PLS1: variants seen among roughly 807,000 people sequenced by gnomAD.
PLS1 encodes the protein plastin-1.
Under a neutral mutation model 73.7 loss-of-function variants are expected in PLS1, and 32 were observed. The ratio of observed to expected loss-of-function variants is 0.43; its 90% CI spans 0.33 to 0.58. The LOEUF (loss-of-function observed/expected upper bound fraction) is 0.58. Ranked by LOEUF, PLS1 falls within the 20% of genes least tolerant of loss-of-function variation. PLS1 has a pLI of 0.04. For synonymous variants in PLS1, 217 were observed against 261.3 expected (o/e 0.83, Z 1.63); for missense variants, 633 against 740.5 (o/e 0.85, Z 1.68).
chr3:142,647,807 T>G (rs1484317192), intron 1 of PLS1, among the ~76,000 whole-genome samples: 1 of 152,228 alleles, frequency 6.6e-6, no homozygotes, highest in Non-Finnish European at 1.5e-5. Context: ...TCCTTGAATC[T>G]TCTAGTCAGA....
chr3:142,634,934 T>C (rs2036644709), intron 1 of PLS1, among the ~76,000 whole-genome samples: 1 of 151,850 alleles, frequency 6.6e-6, no homozygotes, highest in Admixed American at 6.6e-5. Flanking sequence ...TTTTTTTGTC[T>C]TTTAGAGACA....
intron 1 of PLS1, among the ~76,000 whole-genome samples, chr3:142,612,996 C>T (rs2108549480): frequency 6.6e-6 from 1 of 152,240 alleles, no homozygotes; most frequent in South Asian, 2.1e-4. Context: ...GAACTCCCAA[C>T]CTCAGGTGAT....
In PLS1 at chr3:142,703,941, A is replaced by G. The variant is rs1237394510; in HGVS notation, c.1445A>G (p.Gln482Arg). 1.2e-6 allele frequency: 2 copies of G among 1,613,752 alleles called. No individual in the cohort carries two copies. Among genetic ancestry groups the G allele is most frequent in the Non-Finnish European group, 8.5e-7 (1 of 1,179,622 alleles). ...AKFSLVGIAG[Q>R]DLNEGNSTLT... ...TTCTCCTTGGTTGGCATTGCTGGGC[A>G]GGACCTAAATGAAGGGAATTCAACA... Residue 482 changes from glutamine (Q) to arginine (R), a missense_variant, in exon 13 of 16, where the codon CAG becomes CGG. Transcript: ENST00000457734.
chr3:142,653,993 G>T (rs1224259499), intron 1 of PLS1, among the ~76,000 whole-genome samples: 1 of 152,074 alleles, frequency 6.6e-6, no homozygotes, highest in Non-Finnish European at 1.5e-5. Context: ...TTGAATACAT[G>T]AATGAATGAA....
At chr3:142,679,936 C>T (rs1260068454) in intron 6 of PLS1, among the ~76,000 whole-genome samples, 1 of 151,892 alleles carries the variant, frequency 6.6e-6, no homozygotes, top group Non-Finnish European at 1.5e-5. Flanking sequence ...TGTTTGTATC[C>T]TCTTTTATTT....
intron 1 of PLS1, among the ~76,000 whole-genome samples, chr3:142,600,009 A>G (rs1444478488): frequency 6.6e-6 from 1 of 151,906 alleles, no homozygotes; most frequent in Non-Finnish European, 1.5e-5. Flanking sequence ...CAGCCTCCCA[A>G]TGTGTTAGGA....
At chr3:142,684,974 C>T (rs958461430) in intron 8 of PLS1, among the ~76,000 whole-genome samples, 4 of 152,168 alleles carry the variant, frequency 2.6e-5, no homozygotes, top group African/African-American at 9.7e-5. Flanking sequence ...ATTGCCAAGC[C>T]GGGTCGCTGT....
intron 1 of PLS1, among the ~76,000 whole-genome samples, chr3:142,617,796 G>A (rs2036241614): frequency 6.6e-6 from 1 of 152,106 alleles, no homozygotes. Flanking sequence ...GATTCAATAT[G>A]GTGAAACCCC....
chr3:142,626,275 A>G (rs2036426057), intron 1 of PLS1, among the ~76,000 whole-genome samples: 1 of 152,236 alleles, frequency 6.6e-6, no homozygotes, highest in African/African-American at 2.4e-5. Context: ...ACAATATGTT[A>G]ATAAGCAATG....
chr3:142,676,806 T>A (rs987596157), intron 5 of PLS1, among the ~76,000 whole-genome samples: 2 of 152,208 alleles, frequency 1.3e-5, no homozygotes, highest in Non-Finnish European at 2.9e-5. Flanking sequence ...CCAGCATACT[T>A]CTTTGGACAA....
intron 1 of PLS1, among the ~76,000 whole-genome samples, chr3:142,639,116 A>G (rs2036774770): frequency 6.6e-6 from 1 of 152,204 alleles, no homozygotes; most frequent in South Asian, 2.1e-4. Context: ...GGTAAAACAT[A>G]CAAGTAAAAC....
At chr3:142,651,285 C>T (rs1046663760) in intron 1 of PLS1, among the ~76,000 whole-genome samples, 1 of 151,818 alleles carries the variant, frequency 6.6e-6, no homozygotes, top group Non-Finnish European at 1.5e-5. Context: ...CATGATGAAA[C>T]CCCGTCTCTA....
At chr3:142,600,945 A>G (rs2035915555) in intron 1 of PLS1, among the ~76,000 whole-genome samples, 1 of 33,062 alleles carries the variant, frequency 3.0e-5, no homozygotes, top group Non-Finnish European at 5.2e-5. Flanking sequence ...TTTTTTTGAG[A>G]CGGAGTCTCG....
At chr3:142,610,108 A>C (rs1421234247) in intron 1 of PLS1, among the ~76,000 whole-genome samples, 1 of 152,158 alleles carries the variant, frequency 6.6e-6, no homozygotes, top group Non-Finnish European at 1.5e-5. Context: ...ACCTCAGTTG[A>C]TCCATCCGCC....
chr3:142,666,112 A>G (rs748755701), intron 2 of PLS1, among the ~76,000 whole-genome samples: 15 of 152,174 alleles, frequency 9.9e-5, no homozygotes, highest in Admixed American at 2.0e-4. Context: ...TTTGGGGGCC[A>G]CTGGGGAGAA....
intron 1 of PLS1, among the ~76,000 whole-genome samples, chr3:142,623,074 T>C (rs1024129278): frequency 2.0e-5 from 3 of 152,194 alleles, no homozygotes; most frequent in African/African-American, 7.2e-5. Flanking sequence ...TCCTCCTGCC[T>C]CAGCCTTCCA....
At chr3:142,616,229 A>G (rs1244787122) in intron 1 of PLS1, among the ~76,000 whole-genome samples, 2 of 152,204 alleles carry the variant, frequency 1.3e-5, no homozygotes, top group African/African-American at 4.8e-5. Context: ...GGAAGATGAT[A>G]GTTTGAGGAA....
At chr3:142,679,806 T>C (rs1427396872) in intron 6 of PLS1, among the ~76,000 whole-genome samples, 1 of 152,204 alleles carries the variant, frequency 6.6e-6, no homozygotes, top group Non-Finnish European at 1.5e-5. Context: ...TCCAATTCTG[T>C]GAAAAAAGTC....
At chr3:142,607,283 T>A (rs2036040043) in intron 1 of PLS1, among the ~76,000 whole-genome samples, 1 of 152,166 alleles carries the variant, frequency 6.6e-6, no homozygotes, top group East Asian at 1.9e-4. Context: ...TATTAACATA[T>A]ATATATATAT....
Sources: allele counts gnomAD v4.1 joint callset (sites outside exome capture counted in the v4.1 genomes callset), GRCh38; gene constraint gnomAD v4.1.1; transcripts MANE v1.5; gene names NCBI Gene and HGNC (gene_info 2026-07-23, HGNC 2026-07-21).